Variants in PPP1R9A observed in about 807,000 individuals in gnomAD.
PPP1R9A encodes neurabin-1.
PPP1R9A carries 59 observed loss-of-function variants against 141.9 expected under a neutral mutation model. That is an observed-to-expected ratio of 0.42 (90% CI 0.34 to 0.52). The LOEUF (loss-of-function observed/expected upper bound fraction) is 0.52. Ranked by LOEUF, PPP1R9A falls within the 20% of genes least tolerant of loss-of-function variation. PPP1R9A has a pLI of 0.10. For synonymous variants in PPP1R9A, 500 were observed against 569.7 expected, an observed-to-expected ratio of 0.88 and a Z score of 1.74; for missense variants, 1,444 against 1,611.9, an observed-to-expected ratio of 0.90 and a Z score of 1.78.
intron 16 of PPP1R9A, among the ~76,000 whole-genome samples, chr7:95,281,045 AGGTCTGTAAT>A (rs1240317883): frequency 6.6e-6 from 1 of 152,208 alleles, no homozygotes; most frequent in Non-Finnish European, 1.5e-5. Flanking sequence ...CTAAGCTGAT[AGGTCTGTAAT>A]TTTAAAGCAA....
intron 2 of PPP1R9A, among the ~76,000 whole-genome samples, chr7:95,076,968 A>G (rs1156818469): frequency 6.6e-6 from 1 of 152,012 alleles, no homozygotes; most frequent in Non-Finnish European, 1.5e-5. Context: ...CTTCATTCCA[A>G]TGTTTATACC....
chr7:94,914,620 A>T (rs1445405346), intron 2 of PPP1R9A, among the ~76,000 whole-genome samples: 1 of 152,220 alleles, frequency 6.6e-6, no homozygotes, highest in Non-Finnish European at 1.5e-5. Context: ...GGAGAATGTT[A>T]TGGACCATGC....
At chr7:95,193,041 C>G (rs935626591) in intron 5 of PPP1R9A, among the ~76,000 whole-genome samples, 1 of 152,014 alleles carries the variant, frequency 6.6e-6, no homozygotes, top group African/African-American at 2.4e-5. Context: ...ACATCTTATT[C>G]TTTTATCACT....
At position 95,244,592 on chromosome 7, in the gene PPP1R9A, C is replaced by CTACGAG. The variant is rs1439502764; in HGVS notation, c.2113-2880_2113-2875dup. Among the ~76,000 whole-genome samples, 4 of 152,256 alleles carry CTACGAG rather than the reference C, an allele frequency of 2.6e-5. No individual in the cohort carries two copies. The East Asian group carries it at 5.8e-4, about 22-fold the overall frequency. On this transcript the variant is annotated intron_variant, in intron 8 of 19. Coordinates refer to ENST00000433360, the MANE Select transcript of PPP1R9A (RefSeq NM_001166160.2). ...GCTGCATGCCACGTATTTGGTTACC[C>CTACGAG]TACGAGGAGTTAATAAAATCTGTCA... is the stretch of plus-strand genomic sequence containing the variant.
intron 2 of PPP1R9A, among the ~76,000 whole-genome samples, chr7:94,952,638 G>A (rs1186875457): frequency 6.6e-6 from 1 of 152,022 alleles, no homozygotes; most frequent in Admixed American, 6.6e-5. Context: ...ACTTTTTAAT[G>A]ATTGCCATTC....
chr7:95,088,547 T>C (rs1352477030), intron 2 of PPP1R9A, among the ~76,000 whole-genome samples: 4 of 152,010 alleles, frequency 2.6e-5, no homozygotes, highest in African/African-American at 9.7e-5. Flanking sequence ...GTTTTGGAAG[T>C]TGGAAGTTCG....
intron 2 of PPP1R9A, among the ~76,000 whole-genome samples, chr7:95,043,699 T>C (rs1483972748): frequency 6.6e-6 from 1 of 152,224 alleles, no homozygotes; most frequent in African/African-American, 2.4e-5. Context: ...TAAATCTGCT[T>C]TTCTTTATCT....
In PPP1R9A at chr7:94,911,437, A is replaced by G; in HGVS notation, c.1324A>G (p.Ile442Val). 6.2e-7 allele frequency: 1 copy of G among 1,613,874 alleles called. No homozygotes were observed. The highest frequency in any genetic ancestry group is 1.1e-5 in the South Asian group (1 of 91,086). ...YYQPDMEYSEIVGLPEEEEIP... is the reference protein window; with the variant it reads ...YYQPDMEYSEVVGLPEEEEIP... ...TCAGCCTGATATGGAGTACTCGGAA[A>G]TTGTTGGATTGCCAGAAGAAGAAGA... Residue 442 changes from isoleucine to valine, a missense_variant, in exon 2 of 20, where the codon ATT becomes GTT. Transcript: ENST00000433360.
chr7:95,206,192 CT>C (rs1279668868), intron 7 of PPP1R9A, among the ~76,000 whole-genome samples: 1 of 152,160 alleles, frequency 6.6e-6, no homozygotes, highest in East Asian at 1.9e-4. Flanking sequence ...AACATATTTT[CT>C]ATCACAGAAA....
At chr7:95,210,418 T>C (rs1791836602) in intron 7 of PPP1R9A, among the ~76,000 whole-genome samples, 1 of 152,168 alleles carries the variant, frequency 6.6e-6, no homozygotes, top group Admixed American at 6.5e-5. Context: ...GTTGTTTTTG[T>C]TTATTTTCTG....
At chr7:95,260,799 A>G (rs1395256817) in intron 12 of PPP1R9A, among the ~76,000 whole-genome samples, 2 of 152,056 alleles carry the variant, frequency 1.3e-5, no homozygotes, top group Admixed American at 6.6e-5. Flanking sequence ...TGGCTTTTGA[A>G]TTTTACTTGC....
At chr7:95,112,398 A>G (rs1820725162) in intron 3 of PPP1R9A, among the ~76,000 whole-genome samples, 1 of 152,228 alleles carries the variant, frequency 6.6e-6, no homozygotes, top group Non-Finnish European at 1.5e-5. Context: ...TATTATTAAT[A>G]AGTCAAAAAC....
intron 2 of PPP1R9A, chr7:95,018,028 G>A (rs1413330422): frequency 3.3e-5 from 5 of 153,056 alleles, no homozygotes; most frequent in African/African-American, 9.7e-5. Flanking sequence ...TTATGTATGG[G>A]TTTTAAAGGT....
intron 2 of PPP1R9A, among the ~76,000 whole-genome samples, chr7:94,948,605 A>G (rs1285883853): frequency 6.6e-6 from 1 of 152,102 alleles, no homozygotes; most frequent in Non-Finnish European, 1.5e-5. Context: ...GAGATATACT[A>G]AGGGGTAGAA....
At chr7:95,151,497 A>G (rs1828663073) in intron 4 of PPP1R9A, among the ~76,000 whole-genome samples, 1 of 152,062 alleles carries the variant, frequency 6.6e-6, no homozygotes, top group African/African-American at 2.4e-5. Flanking sequence ...AGCACAGAGG[A>G]TTTTTTTAGG....
At chr7:95,152,056 A>G (rs1584969063) in intron 4 of PPP1R9A, among the ~76,000 whole-genome samples, 1 of 145,258 alleles carries the variant, frequency 6.9e-6, no homozygotes, top group African/African-American at 2.6e-5. Context: ...GGTTCAAGCA[A>G]TTCTCCTGCC....
At chr7:95,060,694 A>G (rs2152072484) in intron 2 of PPP1R9A, among the ~76,000 whole-genome samples, 1 of 152,350 alleles carries the variant, frequency 6.6e-6, no homozygotes. Flanking sequence ...TGCAGCCTTA[A>G]GAAGTTGGCA....
intron 2 of PPP1R9A, among the ~76,000 whole-genome samples, chr7:95,104,712 T>C (rs1004564255): frequency 2.6e-5 from 4 of 152,140 alleles, no homozygotes; most frequent in Non-Finnish European, 4.4e-5. Flanking sequence ...TAACCTTAAT[T>C]TGGGGGAAGA....
At chr7:95,140,749 A>G (rs996892350) in intron 4 of PPP1R9A, among the ~76,000 whole-genome samples, 2 of 152,018 alleles carry the variant, frequency 1.3e-5, no homozygotes, top group South Asian at 2.1e-4. Flanking sequence ...GTTTCACTCT[A>G]TCACCCAGGC....
Sources: gnomAD v4.1 joint callset for allele counts (sites outside exome capture counted in the v4.1 genomes callset) on GRCh38, gnomAD v4.1.1 for gene constraint, MANE v1.5 for transcripts, NCBI Gene and HGNC (gene_info 2026-07-23, HGNC 2026-07-21) for gene names.